CDKL4: variants seen among roughly 807,000 people sequenced by gnomAD.
CDKL4 encodes cyclin-dependent kinase-like 4.
A neutral mutation model predicts 42.0 loss-of-function variants in CDKL4; 44 were observed. The observed-to-expected ratio is 1.05, with a 90% CI of 0.82 to 1.35. CDKL4 has a LOEUF of 1.35. CDKL4 is among the 40% of genes most tolerant of loss of function. CDKL4 has a pLI of 0.00. For missense variants in CDKL4, 393 were observed against 369.9 expected (o/e 1.06, Z -0.51); for synonymous variants, 120 against 121.6 (o/e 0.99, Z 0.09).
chr2:39,180,649 T>A (rs1301477811), intron 8 of CDKL4, among the ~76,000 whole-genome samples: 1 of 151,118 alleles, frequency 6.6e-6, no homozygotes, highest in East Asian at 1.9e-4. Flanking sequence ...TCTCCTCAAA[T>A]CCTAGTACTG....
intron 1 of CDKL4, among the ~76,000 whole-genome samples, chr2:39,234,059 G>A (rs891789232): frequency 3.3e-5 from 5 of 151,656 alleles, no homozygotes; most frequent in African/African-American, 1.2e-4. Context: ...GACTACAGGC[G>A]TGTGCCACCA....
chr2:39,231,042 T>C (rs1488785483), intron 1 of CDKL4, among the ~76,000 whole-genome samples: 1 of 152,098 alleles, frequency 6.6e-6, no homozygotes, highest in Non-Finnish European at 1.5e-5. Context: ...AAACCCTGTC[T>C]CTACTAAAAA....
chr2:39,209,255 T>C (rs2148345105), intron 4 of CDKL4, among the ~76,000 whole-genome samples: 1 of 149,658 alleles, frequency 6.7e-6, no homozygotes, highest in Middle Eastern at 3.4e-3. Flanking sequence ...GAGGTTGCAG[T>C]GAGCCGTGAA....
At chr2:39,207,607 C>T (rs189199280) in intron 4 of CDKL4, among the ~76,000 whole-genome samples, 44 of 152,324 alleles carry the variant, frequency 2.9e-4, no homozygotes, top group Non-Finnish European at 5.0e-4. Flanking sequence ...ACATCAATAT[C>T]TGTCCATTGG....
intron 5 of CDKL4, among the ~76,000 whole-genome samples, chr2:39,192,876 A>G (rs530453413): frequency 6.6e-6 from 1 of 152,252 alleles, no homozygotes; most frequent in African/African-American, 2.4e-5. Context: ...CTATAACCCC[A>G]GCACTTTGGG....
chr2:39,240,790 T>C (rs1679623305), intron 1 of CDKL4, among the ~76,000 whole-genome samples: 1 of 151,916 alleles, frequency 6.6e-6, no homozygotes, highest in African/African-American at 2.4e-5. Flanking sequence ...AGGAAATTTC[T>C]AGAAAAGACA....
chr2:39,218,535 G>T (rs1678089758), intron 3 of CDKL4, among the ~76,000 whole-genome samples: 1 of 152,178 alleles, frequency 6.6e-6, no homozygotes, highest in Non-Finnish European at 1.5e-5. Context: ...TTGTGGGTGT[G>T]TCTGTGAGGG....
At chr2:39,226,438 A>ATATATATTATATATATAT (rs1260484493) in intron 2 of CDKL4, among the ~76,000 whole-genome samples, 6 of 136,172 alleles carry the variant, frequency 4.4e-5, no homozygotes, top group African/African-American at 1.5e-4. Flanking sequence ...TATATAAATT[A>ATATATATTATATATATAT]TATATATTAT....
chr2:39,206,350 G>A (rs928495890), intron 4 of CDKL4, among the ~76,000 whole-genome samples: 6 of 152,134 alleles, frequency 3.9e-5, no homozygotes, highest in Non-Finnish European at 1.5e-5. Context: ...CCAAAGTGCT[G>A]GGATTACAGG....
intron 1 of CDKL4, among the ~76,000 whole-genome samples, chr2:39,241,754 C>G (rs1051874958): frequency 5.9e-5 from 9 of 152,184 alleles, no homozygotes; most frequent in African/African-American, 2.2e-4. Flanking sequence ...TCTCTGCTCG[C>G]ATGCTATGTT....
At chr2:39,179,494 C>A (rs779640028) in intron 8 of CDKL4, among the ~76,000 whole-genome samples, 173 bp from the exon 9 acceptor site, 1 of 152,212 alleles carries the variant, frequency 6.6e-6, no homozygotes, top group African/African-American at 2.4e-5. Flanking sequence ...CTTTTTCCTA[C>A]TTCAAAGTCT....
In CDKL4 at chr2:39,237,469, T is replaced by C. The variant is rs539897774; in HGVS notation, c.-57+6402A>G. Among the ~76,000 whole-genome samples, 5 of 152,326 alleles carry C rather than the reference T, an allele frequency of 3.3e-5. No homozygotes were observed. In the South Asian group the frequency reaches 1.0e-3, roughly 32 times the overall value. On this transcript the variant is annotated intron_variant, in intron 1 of 9. Transcript: ENST00000451199. ...GTTACCCCTAAGACTGGAAAAAAGA[T>C]GTTTGCTTTCACTATTTTTATTTAT... is the stretch of plus-strand genomic sequence containing the variant.
exon 2 of CDKL4, chr2:39,229,575 GT>G: frequency 6.8e-7 from 1 of 1,473,376 alleles, no homozygotes; most frequent in Non-Finnish European, 9.3e-7. Context: ...TTGACTTGCA[GT>G]ACAATGCTGC....
intron 5 of CDKL4, among the ~76,000 whole-genome samples, chr2:39,195,390 A>G (rs1676445924): frequency 6.6e-6 from 1 of 152,148 alleles, no homozygotes; most frequent in South Asian, 2.1e-4. Flanking sequence ...ACTGCTTTCC[A>G]CAGCAGTTGC....
intron 7 of CDKL4, among the ~76,000 whole-genome samples, chr2:39,187,328 A>G (rs1675881745): frequency 6.6e-6 from 1 of 152,220 alleles, no homozygotes; most frequent in Non-Finnish European, 1.5e-5. Context: ...GTGTGAAAAT[A>G]GAATAATACA....
chr2:39,242,059 T>A (rs554106981), intron 1 of CDKL4, among the ~76,000 whole-genome samples: 45 of 151,432 alleles, frequency 3.0e-4, no homozygotes, highest in African/African-American at 9.4e-4. Context: ...TTTTTTTTTT[T>A]AACTGAGACA....
chr2:39,215,335 T>C (rs1180225281), intron 3 of CDKL4, among the ~76,000 whole-genome samples: 1 of 152,246 alleles, frequency 6.6e-6, no homozygotes, highest in East Asian at 1.9e-4. Context: ...AATTGGTCTG[T>C]TCACTGTTTT....
intron 1 of CDKL4, among the ~76,000 whole-genome samples, chr2:39,233,972 G>A (rs1679224278): frequency 6.8e-6 from 1 of 148,074 alleles, no homozygotes; most frequent in Non-Finnish European, 1.5e-5. Flanking sequence ...GGAGTGCAGT[G>A]GCACGATCTC....
intron 7 of CDKL4, among the ~76,000 whole-genome samples, chr2:39,185,948 T>C (rs1292574208): frequency 1.3e-5 from 2 of 152,156 alleles, no homozygotes; most frequent in Admixed American, 6.5e-5. Context: ...CCTGATCTAC[T>C]TCTAAGGATG....
Sources: allele counts gnomAD v4.1 joint callset (sites outside exome capture counted in the v4.1 genomes callset), GRCh38; gene constraint gnomAD v4.1.1; transcripts MANE v1.5; gene names NCBI Gene and HGNC (gene_info 2026-07-23, HGNC 2026-07-21).